ZNF780B: variants seen among roughly 807,000 people sequenced by gnomAD.
The protein encoded by ZNF780B is zinc finger protein 779.
ZNF780B carries 52 observed loss-of-function variants against 74.1 expected under a neutral mutation model. That is an observed-to-expected ratio of 0.70 (90% CI 0.56 to 0.88). The LOEUF (loss-of-function observed/expected upper bound fraction) is 0.88, where lower values mean the gene tolerates loss of function less well. ZNF780B is among the 40% of genes least tolerant of loss of function. ZNF780B has a pLI of 0.00. For missense variants in ZNF780B, 953 were observed against 1,007.6 expected, an observed-to-expected ratio of 0.95 and a Z score of 0.73; for synonymous variants, 315 against 324.3, an observed-to-expected ratio of 0.97 and a Z score of 0.31.
chr19:40,051,623 T>C (rs1973239141), intron 1 of ZNF780B, among the ~76,000 whole-genome samples: 1 of 152,130 alleles, frequency 6.6e-6, no homozygotes, highest in Admixed American at 6.5e-5. Context: ...CTTTTAATCA[T>C]AAAAAACAAA....
intron 1 of ZNF780B, among the ~76,000 whole-genome samples, chr19:40,052,394 G>A (rs1488032940): frequency 1.3e-5 from 2 of 152,092 alleles, no homozygotes; most frequent in South Asian, 2.1e-4. Context: ...AACCTCATGG[G>A]TCACATACAG....
chr19:40,039,060 C>T (rs1276562522), intron 4 of ZNF780B, among the ~76,000 whole-genome samples: 3 of 152,140 alleles, frequency 2.0e-5, no homozygotes, highest in Non-Finnish European at 2.9e-5. Context: ...ACATGTAAGT[C>T]TTTAATCCAT....
In ZNF780B at chr19:40,030,365, T is replaced by G. The variant is rs1971965709; in HGVS notation, c.*3992A>C. The stretch of plus-strand genomic sequence containing the variant: ...CTCATAGGAACTAACAGAGTGATAA[T>G]TCACCCCCCAATCCAGAGAGGACAT... On this transcript the variant is annotated 3_prime_UTR_variant, in exon 5 of 5. Transcript: ENST00000434248. 6.6e-6 allele frequency: 1 copy of G among 152,096 alleles called. No individual in the cohort carries two copies. Among genetic ancestry groups the G allele is most frequent in the South Asian group, 2.1e-4 (1 of 4,828 alleles). The allele number at this position is 152,096 out of a possible 1,614,324, so 9.4% of individuals were successfully genotyped here.
rs780343751 is a variant in ZNF780B, at chr19:40,048,677, T to G, written c.129A>C (p.Ile43=). The part of the protein sequence containing the change: ...DVMLENYSHL[I]SLGSSISKPD... ...TGGGACCAATGACCTTACCCAGTGA[T>G]ATCAGGTGGCTGTAGTTCTCCAACA... Residue 43 remains isoleucine, a synonymous_variant, in exon 3 of 5, where the codon ATA becomes ATC. Coordinates refer to ENST00000434248, the MANE Select transcript of ZNF780B (RefSeq NM_001005851.3). 7.4e-6 allele frequency: 12 copies of G among 1,614,104 alleles called. No individual in the cohort carries two copies. The highest frequency in any genetic ancestry group is 6.7e-5 in the East Asian group (3 of 44,894).
chr19:40,049,071 A>G (rs10403646), intron 2 of ZNF780B: 10,053 of 379,676 alleles, frequency 0.026, 1,038 homozygotes, highest in African/African-American at 0.2. Context: ...AAAAAAAAAA[A>G]AAAGAAAGAA....
rs61737024 is a variant in ZNF780B at position 40,035,132 on chromosome 19, C to A, written c.1727G>T (p.Arg576Leu). The change falls in exon 5 of 5, where the codon CGA (arginine) becomes CTA (leucine). Residue 576 changes from arginine (R) to leucine (L), a missense_variant. Coordinates refer to ENST00000434248, the MANE Select transcript of ZNF780B (RefSeq NM_001005851.3). ...GGGTTTCTTTCCGGTATGAATACTT[C>A]GATGTTGATTAAGATTTGAACCACG... The part of the protein sequence containing the change: ...FRRGSNLNQH[R>L]SIHTGKKPFE... The A allele has an allele frequency of 3.1e-6, 5 of 1,613,430 alleles. No individual in the cohort carries two copies. The highest frequency in any genetic ancestry group is 4.2e-6 in the Non-Finnish European group (5 of 1,179,766).
chr19:40,035,708 G>A lies in ZNF780B; in HGVS notation c.1151C>T (p.Thr384Ile), dbSNP rs764610231. 1.2e-6 allele frequency: 2 copies of A among 1,613,966 alleles called. No homozygotes were observed. Among genetic ancestry groups the A allele is most frequent in the Non-Finnish European group, 1.7e-6 (2 of 1,180,028 alleles). ...NQLNRHKNIHTGEKPFECKEC... is the reference protein window; with the variant it reads ...NQLNRHKNIHIGEKPFECKEC... Reference sequence around the variant, plus strand: ...TTTACATTCAAATGGTTTTTCACCTGTGTGAATATTCTTATGGCGATTAAG... The same window carrying A: ...TTTACATTCAAATGGTTTTTCACCTATGTGAATATTCTTATGGCGATTAAG... The change falls in exon 5 of 5, where the codon ACA becomes ATA. Residue 384 changes from threonine to isoleucine, a missense_variant. Coordinates refer to ENST00000434248, the MANE Select transcript of ZNF780B (RefSeq NM_001005851.3).
At chr19:40,037,616 C>T (rs1018922136) in intron 4 of ZNF780B, among the ~76,000 whole-genome samples, 1 of 152,094 alleles carries the variant, frequency 6.6e-6, no homozygotes, top group South Asian at 2.1e-4. Flanking sequence ...GATTCTGATT[C>T]AGATCAAAGT....
chr19:40,030,051 A>G lies in ZNF780B; in HGVS notation c.*4306T>C, dbSNP rs1409135870. The G allele has an allele frequency of 1.3e-5, 2 of 152,126 alleles. No homozygotes were observed. The highest frequency in any genetic ancestry group is 3.8e-4 in the East Asian group (2 of 5,196). 9.4% of individuals were successfully genotyped at this position (152,126 alleles called of 1,614,324 possible). A position where few individuals can be genotyped will look rare whatever the true frequency, so the allele number is the denominator to read the frequency against. ...TCAATTTAACAATGGGTTTATCTAG[A>G]TATAGCCCCATTTTAAGTCAAGGAG... is the stretch of plus-strand genomic sequence containing the variant. On this transcript the variant is annotated 3_prime_UTR_variant, in exon 5 of 5. Coordinates refer to ENST00000434248, the MANE Select transcript of ZNF780B (RefSeq NM_001005851.3).
Position 40,034,115 on chromosome 19 carries a change from T to C in ZNF780B, c.*242A>G, listed in dbSNP as rs1972113781. The C allele has an allele frequency of 5.1e-6, 3 of 584,328 alleles. No homozygotes were observed. Among genetic ancestry groups the C allele is most frequent in the Non-Finnish European group, 9.4e-6 (3 of 320,438 alleles). The allele number at this position is 584,328 out of a possible 1,614,324, so 36.2% of individuals were successfully genotyped here. The stretch of plus-strand genomic sequence containing the variant: ...TTACATTCATAGGGTTTCTCATCAG[T>C]ATGAATTTTAACATGTTTAACAGGT... On this transcript the variant is annotated 3_prime_UTR_variant, in exon 5 of 5. Transcript: ENST00000434248.
chr19:40,028,577 G>GCT lies in ZNF780B; in HGVS notation c.*5779_*5780insAG. 1 of 152,188 alleles carries GCT rather than the reference G, an allele frequency of 6.6e-6. No individual in the cohort carries two copies. The highest frequency in any genetic ancestry group is 2.1e-4 in the South Asian group (1 of 4,834). 9.4% of individuals were successfully genotyped at this position (152,188 alleles called of 1,614,324 possible). A position where few individuals can be genotyped will look rare whatever the true frequency, so the allele number is the denominator to read the frequency against. The stretch of plus-strand genomic sequence containing the variant: ...ATGATGGTTATTACTTTTTACATGT[G>GCT]ACAATCTAGTTGTAGCGTTTAAGAT... On this transcript the variant is annotated 3_prime_UTR_variant, in exon 5 of 5. Coordinates refer to ENST00000434248, the MANE Select transcript of ZNF780B (RefSeq NM_001005851.3).
chr19:40,031,860 C>CATAGATTT lies in ZNF780B; in HGVS notation c.*2496_*2497insAAATCTAT, dbSNP rs1972016073. ...AACGTCTCTCCATAGATTACTTACC[C>CATAGATTT]ACTACAAACTAAATCTTTACAATGG... On this transcript the variant is annotated 3_prime_UTR_variant, in exon 5 of 5. Coordinates refer to ENST00000434248, the MANE Select transcript of ZNF780B (RefSeq NM_001005851.3). The CATAGATTT allele has an allele frequency of 3.5e-6, 1 of 282,460 alleles. No individual in the cohort carries two copies. Among genetic ancestry groups the CATAGATTT allele is most frequent in the Non-Finnish European group, 7.1e-6 (1 of 140,064 alleles). 17.5% of individuals were successfully genotyped at this position (282,460 alleles called of 1,614,324 possible). A position where few individuals can be genotyped will look rare whatever the true frequency, so the allele number is the denominator to read the frequency against.
At chr19:40,048,611 TG>T in intron 3 of ZNF780B, 58 bp downstream of exon 3, 5 of 1,613,368 alleles carry the variant, frequency 3.1e-6, no homozygotes, top group Non-Finnish European at 3.4e-6. Flanking sequence ...AAACTCATGA[TG>T]AAGAAAGCTG....
At chr19:40,049,860 T>G (rs1222183300) in intron 2 of ZNF780B, among the ~76,000 whole-genome samples, 1 of 152,126 alleles carries the variant, frequency 6.6e-6, no homozygotes, top group Non-Finnish European at 1.5e-5. Flanking sequence ...CTTTTATTTT[T>G]TGGTCACCAA....
At chr19:40,042,187 A>G (rs1376332651) in intron 4 of ZNF780B, among the ~76,000 whole-genome samples, 5 of 152,156 alleles carry the variant, frequency 3.3e-5, no homozygotes, top group Non-Finnish European at 5.9e-5. Context: ...GCTGGAATGA[A>G]ATTCTGGGTT....
At chr19:40,045,785 T>C (rs1371089309) in intron 4 of ZNF780B, among the ~76,000 whole-genome samples, 4 of 152,094 alleles carry the variant, frequency 2.6e-5, no homozygotes. Context: ...GTCAGGAATT[T>C]GAGACCAGCC....
chr19:40,047,349 C>T, intron 4 of ZNF780B, 26 bp downstream of exon 4: 1 of 1,575,644 alleles, frequency 6.3e-7, no homozygotes, highest in South Asian at 1.1e-5. Flanking sequence ...TGATGGCTTC[C>T]CCCTGCCTGC....
chr19:40,049,060 GAAAA>G (rs374744126), intron 2 of ZNF780B: 24 of 259,334 alleles, frequency 9.3e-5, no homozygotes, highest in South Asian at 1.8e-4. Context: ...GCACTCCCTG[GAAAA>G]AAAAAAAAAA....
At chr19:40,042,958 T>C (rs1972723456) in intron 4 of ZNF780B, among the ~76,000 whole-genome samples, 1 of 152,246 alleles carries the variant, frequency 6.6e-6, no homozygotes, top group South Asian at 2.1e-4. Flanking sequence ...GCTGCATTCC[T>C]TTGGAGGAGG....
Sources: gnomAD v4.1 joint callset for allele counts (sites outside exome capture counted in the v4.1 genomes callset) on GRCh38, gnomAD v4.1.1 for gene constraint, MANE v1.5 for transcripts, NCBI Gene and HGNC (gene_info 2026-07-23, HGNC 2026-07-21) for gene names.